Variants in PKP2 observed in about 807,000 individuals in gnomAD.
PKP2 encodes plakophilin-2.
A neutral mutation model predicts 83.4 loss-of-function variants in PKP2; 73 were observed. The observed-to-expected ratio is 0.88, with a 90% CI of 0.72 to 1.06. The LOEUF (loss-of-function observed/expected upper bound fraction) is 1.06, where lower values mean the gene tolerates loss of function less well. Among genes scored for constraint, PKP2 ranks in the 50% least tolerant of loss-of-function variants. The pLI is 0.00. For missense variants in PKP2, 966 were observed against 1,065.4 expected, an observed-to-expected ratio of 0.91 and a Z score of 1.30; for synonymous variants, 409 against 430.4, an observed-to-expected ratio of 0.95 and a Z score of 0.62.
At chr12:32,848,000 C>T (rs1178289114) in intron 5 of PKP2, among the ~76,000 whole-genome samples, 2 of 152,112 alleles carry the variant, frequency 1.3e-5, no homozygotes, top group African/African-American at 2.4e-5. Context: ...GTACCTGACC[C>T]CTGAAAGCTG....
rs551546126 is a variant in PKP2, at chr12:32,830,839, G to C, written c.1557-6677C>G. Among the ~76,000 whole-genome samples, 278 of 151,420 alleles carry C rather than the reference G, an allele frequency of 1.8e-3. 1 individual carries two copies. Among genetic ancestry groups the C allele is most frequent in the African/African-American group, 6.5e-3 (267 of 41,232 alleles). On this transcript the variant is annotated intron_variant, in intron 6 of 12. Coordinates refer to ENST00000340811, the MANE Select transcript of PKP2 (RefSeq NM_001005242.3). ...GAGAATCACTTGAACCTGGGAGGCAGAGGTTGCAGTGAGCCGAGATAGTGC... is the reference window on the plus strand; with the variant it reads ...GAGAATCACTTGAACCTGGGAGGCACAGGTTGCAGTGAGCCGAGATAGTGC...
rs760973876 is a variant in PKP2, at chr12:32,790,822, T to A, written c.*1602A>T. 2.6e-5 allele frequency: 4 copies of A among 152,182 alleles called. No homozygotes were observed. Among genetic ancestry groups the A allele is most frequent in the Admixed American group, 6.5e-5 (1 of 15,276 alleles). 9.4% of individuals were successfully genotyped at this position (152,182 alleles called of 1,614,324 possible). A position where few individuals can be genotyped will look rare whatever the true frequency, so the allele number is the denominator to read the frequency against. On this transcript the variant is annotated 3_prime_UTR_variant, in exon 13 of 13. Transcript: ENST00000340811. ...AAACACAAAAAGTTCTGAACACACA[T>A]TTATTATCTGGAGGAATAAATGCAC...
chr12:32,888,307 C>T lies in PKP2; in HGVS notation c.223+8202G>A, dbSNP rs544887300. Among the ~76,000 whole-genome samples the T allele has an allele frequency of 1.1e-3, 173 of 152,298 alleles. 3 individuals carry two copies. Among genetic ancestry groups the T allele is most frequent in the Non-Finnish European group, 4.7e-4 (32 of 68,030 alleles). ...TTTATAACTTCCATGGCAAATATCA[C>T]ATTATACTCCCAATAATATAAAAAA... On this transcript the variant is annotated intron_variant, in intron 1 of 12. Coordinates refer to ENST00000340811, the MANE Select transcript of PKP2 (RefSeq NM_001005242.3).
chr12:32,838,998 T>C (rs1318721356), intron 6 of PKP2, among the ~76,000 whole-genome samples: 1 of 152,196 alleles, frequency 6.6e-6, no homozygotes, highest in East Asian at 1.9e-4. Flanking sequence ...TAGAAAATGT[T>C]TACCAGGCAA....
Position 32,877,839 on chromosome 12 carries a change from GA to G in PKP2, c.1034+6del. On this transcript the variant is annotated splice_donor_region_variant and intron_variant, in intron 3 of 12. Transcript: ENST00000340811. Reference sequence around the variant, plus strand: ...TGACTGAACTGCAGAGTCAGGAGGGGACTTACCCCAGCTGGGAGTCAGTGAA... The same window carrying G: ...TGACTGAACTGCAGAGTCAGGAGGGGCTTACCCCAGCTGGGAGTCAGTGAA... 1 of 1,598,676 alleles carries G rather than the reference GA, an allele frequency of 6.3e-7. No homozygotes were observed. The highest frequency in any genetic ancestry group is 8.6e-7 in the Non-Finnish European group (1 of 1,166,112).
rs878898365 is a variant in PKP2, at chr12:32,868,959, C to T, written c.1138G>A (p.Glu380Lys). Residue 380 changes from glutamate to lysine, a missense_variant, in exon 4 of 13, where the codon GAG becomes AAG. By Grantham distance (56) the Glu-to-Lys change is moderately conservative. Coordinates refer to ENST00000340811, the MANE Select transcript of PKP2 (RefSeq NM_001005242.3). ...CGAGCTTCAGATTTCTGGAAGCACT[C>T]GTGCTGTATGAAAGTAGCTGCAGCA... The part of the protein sequence containing the change: ...ISAAATFIQH[E>K]CFQKSEARKR... The T allele has an allele frequency of 6.8e-6, 11 of 1,613,552 alleles. No homozygotes were observed. Among genetic ancestry groups the T allele is most frequent in the Non-Finnish European group, 9.3e-6 (11 of 1,179,976 alleles).
intron 1 of PKP2, among the ~76,000 whole-genome samples, chr12:32,880,104 G>C (rs1279636419): frequency 1.3e-5 from 2 of 151,046 alleles, no homozygotes; most frequent in African/African-American, 4.9e-5. Context: ...AAGACAGCTT[G>C]TATAAACAAC....
At chr12:32,834,567 C>T (rs1956528220) in intron 6 of PKP2, among the ~76,000 whole-genome samples, 1 of 152,076 alleles carries the variant, frequency 6.6e-6, no homozygotes. Context: ...TTTCCCTTCT[C>T]TAGTCTGATG....
intron 3 of PKP2, among the ~76,000 whole-genome samples, chr12:32,870,415 T>C (rs1956885616): frequency 6.6e-6 from 1 of 152,012 alleles, no homozygotes; most frequent in African/African-American, 2.4e-5. Flanking sequence ...CTCATAAGTA[T>C]AAAGGGTATT....
chr12:32,831,186 A>G (rs1956497907), intron 6 of PKP2, among the ~76,000 whole-genome samples: 1 of 152,232 alleles, frequency 6.6e-6, no homozygotes, highest in South Asian at 2.1e-4. Context: ...ACCAGGAATA[A>G]GAAAGATGTT....
At chr12:32,849,579 G>T (rs1240062219) in intron 5 of PKP2, among the ~76,000 whole-genome samples, 1 of 152,166 alleles carries the variant, frequency 6.6e-6, no homozygotes. Flanking sequence ...GGTGATGGCA[G>T]GGAGAGTGCT....
chr12:32,865,448 AG>A (rs1026622019), intron 4 of PKP2, among the ~76,000 whole-genome samples: 1 of 151,822 alleles, frequency 6.6e-6, no homozygotes, highest in Non-Finnish European at 1.5e-5. Context: ...TGGGAGGCCA[AG>A]GTGGGCAGAT....
chr12:32,819,153 C>A (rs1956348843), intron 9 of PKP2, among the ~76,000 whole-genome samples: 1 of 151,890 alleles, frequency 6.6e-6, no homozygotes, highest in African/African-American at 2.4e-5. Flanking sequence ...TGGCGGGCAC[C>A]TGTAATCCCA....
chr12:32,849,970 A>G (rs547358464), intron 5 of PKP2, among the ~76,000 whole-genome samples: 1 of 152,258 alleles, frequency 6.6e-6, no homozygotes, highest in South Asian at 2.1e-4. Context: ...CATTTTCTAT[A>G]GATCCAGCAA....
rs1258398738 is a variant in PKP2, at chr12:32,791,520, A to G, written c.*904T>C. 6.6e-6 allele frequency: 1 copy of G among 152,240 alleles called. No individual in the cohort carries two copies. Among genetic ancestry groups the G allele is most frequent in the Admixed American group, 6.5e-5 (1 of 15,286 alleles). 9.4% of individuals were successfully genotyped at this position (152,240 alleles called of 1,614,324 possible). A position where few individuals can be genotyped will look rare whatever the true frequency, so the allele number is the denominator to read the frequency against. On this transcript the variant is annotated 3_prime_UTR_variant, in exon 13 of 13. Transcript: ENST00000340811. The stretch of plus-strand genomic sequence containing the variant: ...CCTCTTGCAGATAAAGATAGAGTCC[A>G]TTCTTTCACTAGTCCAGGGCAGTGG...
intron 9 of PKP2, among the ~76,000 whole-genome samples, chr12:32,817,745 G>C (rs1228273211): frequency 6.6e-6 from 1 of 152,064 alleles, no homozygotes; most frequent in African/African-American, 2.4e-5. Flanking sequence ...TTCATATTTA[G>C]GTTTCATTCC....
At chr12:32,867,477 T>C (rs1016863826) in intron 4 of PKP2, among the ~76,000 whole-genome samples, 1 of 152,180 alleles carries the variant, frequency 6.6e-6, no homozygotes, top group African/African-American at 2.4e-5. Flanking sequence ...ATGGTTTTAG[T>C]GTCAAACCTG....
At chr12:32,811,035 T>A (rs1056995011) in intron 9 of PKP2, among the ~76,000 whole-genome samples, 4 of 152,238 alleles carry the variant, frequency 2.6e-5, no homozygotes, top group African/African-American at 9.6e-5. Flanking sequence ...AGAACAGTTG[T>A]CATGTAATAA....
intron 1 of PKP2, among the ~76,000 whole-genome samples, chr12:32,891,563 C>A (rs1345702503): frequency 6.6e-6 from 1 of 152,074 alleles, no homozygotes; most frequent in Admixed American, 6.5e-5. Flanking sequence ...GAAATGTGAA[C>A]TACAAATACC....
Sources: gnomAD v4.1 joint callset for allele counts (sites outside exome capture counted in the v4.1 genomes callset) on GRCh38, gnomAD v4.1.1 for gene constraint, MANE v1.5 for transcripts, NCBI Gene and HGNC (gene_info 2026-07-23, HGNC 2026-07-21) for gene names.